Variants in MYO16 observed in about 807,000 individuals in gnomAD.
The protein encoded by MYO16 is unconventional myosin-XVI.
A neutral mutation model predicts 205.3 loss-of-function variants in MYO16; 94 were observed. The observed-to-expected ratio is 0.46, with a 90% confidence interval of 0.39 to 0.54. The LOEUF is 0.54. Ranked by LOEUF, MYO16 falls within the 20% of genes least tolerant of loss-of-function variation. MYO16 has a pLI of 0.00. For synonymous variants in MYO16, 988 were observed against 954.0 expected (o/e 1.04, Z -0.66); for missense variants, 2,315 against 2,387.5 (o/e 0.97, Z 0.63).
chr13:108,505,006 A>C, the MYO16 span, among the ~76,000 whole-genome samples: 1 of 152,206 alleles, frequency 6.6e-6, no homozygotes, highest in Non-Finnish European at 1.5e-5. Flanking sequence ...TTTAAGGCTG[A>C]ATAATACTCC....
At chr13:108,640,057 G>T (rs1880433789) in intron 1 of MYO16, among the ~76,000 whole-genome samples, 1 of 152,174 alleles carries the variant, frequency 6.6e-6, no homozygotes, top group Non-Finnish European at 1.5e-5. Context: ...GGTGAGAGAT[G>T]CCTATTTGAA....
At position 109,191,608 on chromosome 13, in the gene MYO16, A is replaced by G. The variant is rs551891080; in HGVS notation, c.5415+11975A>G. ...ACGTCAGGGCAGAGTGTTCTAGGCA[A>G]AGGGAGCAGCCAAGGCCCTGAGGTA... On this transcript the variant is annotated intron_variant, in intron 34 of 34. Coordinates refer to ENST00000457511, the MANE Select transcript of MYO16 (RefSeq NM_001198950.3). 3.3e-5 allele frequency among the ~76,000 whole-genome samples: 5 copies of G among 152,216 alleles called. No homozygotes were observed. In the East Asian group the frequency reaches 7.7e-4, roughly 24 times the overall value.
intron 5 of MYO16, among the ~76,000 whole-genome samples, chr13:108,792,634 C>T (rs2138942623): frequency 6.6e-6 from 1 of 151,758 alleles, no homozygotes; most frequent in South Asian, 2.1e-4. Flanking sequence ...GCCTCAGCCT[C>T]TCGAGTAGCT....
intron 2 of MYO16, among the ~76,000 whole-genome samples, chr13:108,674,231 A>G (rs1386051031): frequency 1.3e-5 from 2 of 152,202 alleles, no homozygotes; most frequent in Non-Finnish European, 2.9e-5. Context: ...CACATAAAAA[A>G]GTGAAATAAG....
chr13:108,597,625 A>C (rs1003131656), intron 1 of MYO16, among the ~76,000 whole-genome samples: 38 of 152,148 alleles, frequency 2.5e-4, no homozygotes, highest in Non-Finnish European at 8.8e-5. Flanking sequence ...TTCTCAACTC[A>C]TTTTATAAAA....
At chr13:108,573,013 T>C in the MYO16 span, among the ~76,000 whole-genome samples, 1 of 152,218 alleles carries the variant, frequency 6.6e-6, no homozygotes, top group Non-Finnish European at 1.5e-5. Flanking sequence ...CTGGAGCCAC[T>C]CTTCCCAGGA....
chr13:109,001,930 CTG>C (rs1491008279), intron 21 of MYO16, among the ~76,000 whole-genome samples: 28 of 151,626 alleles, frequency 1.8e-4, no homozygotes, highest in Admixed American at 4.6e-4. Flanking sequence ...CTCTCTCTCT[CTG>C]TGTGTCTGTC....
chr13:108,989,897 A>G (rs1386017124), intron 20 of MYO16, among the ~76,000 whole-genome samples: 2 of 152,130 alleles, frequency 1.3e-5, no homozygotes, highest in East Asian at 1.9e-4. Flanking sequence ...TGGAAACACT[A>G]TATAACAGCT....
intron 13 of MYO16, among the ~76,000 whole-genome samples, chr13:108,883,998 A>C (rs1024664588): frequency 1.3e-5 from 2 of 152,226 alleles, no homozygotes; most frequent in Non-Finnish European, 2.9e-5. Flanking sequence ...AGAAACATTT[A>C]AATGTTAAAA....
chr13:109,028,895 G>A (rs913199741), intron 23 of MYO16, among the ~76,000 whole-genome samples: 15 of 150,172 alleles, frequency 1.0e-4, no homozygotes, highest in African/African-American at 2.9e-4. Flanking sequence ...TTTGTAGCCC[G>A]TCTGTAAAAT....
At chr13:108,506,562 G>A in the MYO16 span, among the ~76,000 whole-genome samples, 2 of 152,072 alleles carry the variant, frequency 1.3e-5, no homozygotes, top group Non-Finnish European at 1.5e-5. Context: ...GTTTGCACAT[G>A]TATGTGTGTA....
the MYO16 span, among the ~76,000 whole-genome samples, chr13:108,588,710 G>A: frequency 6.6e-6 from 1 of 152,112 alleles, no homozygotes; most frequent in South Asian, 2.1e-4. Flanking sequence ...GAAAGAATGT[G>A]TTATGTGTCA....
chr13:108,873,228 AAAT>A (rs1361852728), intron 12 of MYO16, among the ~76,000 whole-genome samples: 1 of 152,226 alleles, frequency 6.6e-6, no homozygotes, highest in East Asian at 1.9e-4. Context: ...TACAAGAAAA[AAAT>A]AAAACATTAA....
At chr13:108,935,768 A>G (rs1029633567) in intron 16 of MYO16, among the ~76,000 whole-genome samples, 1 of 151,084 alleles carries the variant, frequency 6.6e-6, no homozygotes, top group African/African-American at 2.4e-5. Context: ...TTTATCATAG[A>G]TGGCTCTTAT....
chr13:108,695,580 C>A (rs1027023514), intron 2 of MYO16, among the ~76,000 whole-genome samples: 1 of 151,054 alleles, frequency 6.6e-6, no homozygotes, highest in African/African-American at 2.4e-5. Flanking sequence ...TTGGGGATTT[C>A]GATAGGGTGG....
Position 108,763,787 on chromosome 13 carries a change from T to TTGTGTGTGTGTGTG in MYO16, c.508-21824_508-21811dup, listed in dbSNP as rs56115831. Among the ~76,000 whole-genome samples the TTGTGTGTGTGTGTG allele has an allele frequency of 6.9e-3, 982 of 142,602 alleles. 17 individuals are homozygous for TTGTGTGTGTGTGTG. The highest frequency in any genetic ancestry group is 0.024 in the African/African-American group (910 of 38,362). The allele number at this position is 142,602 out of a possible 152,430, so 93.6% of individuals were successfully genotyped here. ...GAACTCAGGGGAGAGAGAAAAGGAG[T>TTGTGTGTGTGTGTG]TGTGTGTGTGTGTGTGTGTGTGTGT... is the stretch of plus-strand genomic sequence containing the variant. On this transcript the variant is annotated intron_variant, in intron 4 of 34. Transcript: ENST00000457511.
chr13:109,078,632 A>T (rs1888189884), intron 27 of MYO16, among the ~76,000 whole-genome samples: 1 of 151,986 alleles, frequency 6.6e-6, no homozygotes, highest in Non-Finnish European at 1.5e-5. Flanking sequence ...TTGTCCAGTG[A>T]TGTACATTTT....
At chr13:108,657,107 A>C (rs1452909911) in intron 1 of MYO16, among the ~76,000 whole-genome samples, 2 of 152,240 alleles carry the variant, frequency 1.3e-5, no homozygotes, top group African/African-American at 2.4e-5. Flanking sequence ...TTCATCTAGA[A>C]ATGTTACTAC....
At chr13:108,667,628 T>C (rs1414800133) in intron 2 of MYO16, among the ~76,000 whole-genome samples, 1 of 152,196 alleles carries the variant, frequency 6.6e-6, no homozygotes, top group African/African-American at 2.4e-5. Flanking sequence ...TCCAGCAGCA[T>C]TGAGCAAAAG....
Sources: allele counts gnomAD v4.1 joint callset (sites outside exome capture counted in the v4.1 genomes callset), GRCh38; gene constraint gnomAD v4.1.1; transcripts MANE v1.5; gene names NCBI Gene and HGNC (gene_info 2026-07-23, HGNC 2026-07-21).